ABTB2: variants seen among roughly 807,000 people sequenced by gnomAD.
ABTB2 encodes the protein ankyrin repeat and BTB domain containing 2, also known as ankyrin repeat and BTB/POZ domain-containing protein 2.
In ABTB2, 56 loss-of-function variants were observed where a neutral mutation model predicts 104.1. The observed-to-expected ratio is 0.54, with a 90% confidence interval of 0.43 to 0.67. The LOEUF (loss-of-function observed/expected upper bound fraction) is 0.67. Ranked by LOEUF, ABTB2 falls within the 30% of genes least tolerant of loss-of-function variation. The pLI is 0.00. For synonymous variants in ABTB2, 606 were observed against 608.2 expected (o/e 1.00, Z 0.05); for missense variants, 1,279 against 1,407.7 (o/e 0.91, Z 1.46).
chr11:34,171,245 G>A (rs562687343), intron 4 of ABTB2, among the ~76,000 whole-genome samples, 174 bp from the exon 5 acceptor site: 5 of 152,288 alleles, frequency 3.3e-5, no homozygotes, highest in African/African-American at 1.2e-4. Context: ...GTCATATGAA[G>A]AGCACACATT....
intron 11 of ABTB2, 118 bp downstream of exon 11, chr11:34,160,785 G>A: frequency 1.8e-6 from 2 of 1,122,604 alleles, no homozygotes; most frequent in African/African-American, 1.8e-5. Context: ...GTGAGTGTGT[G>A]TGCGTTGGGT....
At chr11:34,254,297 G>A (rs1021368812) in intron 1 of ABTB2, among the ~76,000 whole-genome samples, 5 of 151,854 alleles carry the variant, frequency 3.3e-5, no homozygotes, top group African/African-American at 7.3e-5. Flanking sequence ...ACTCAGGCTG[G>A]AGTGCAGTGG....
intron 3 of ABTB2, among the ~76,000 whole-genome samples, chr11:34,174,324 CAAAAAAAAAAAAA>C (rs545699866): frequency 4.9e-4 from 56 of 114,882 alleles, no homozygotes; most frequent in South Asian, 8.3e-4. Flanking sequence ...GACTCCGTCT[CAAAAAAAAAAAAA>C]AAAAAAAAAA....
At chr11:34,204,826 A>G in intron 1 of ABTB2, 136 bp from the exon 2 acceptor site, 1 of 1,011,294 alleles carries the variant, frequency 9.9e-7, no homozygotes, top group East Asian at 2.7e-5. Flanking sequence ...AATCTCTCTG[A>G]GCCTTGAGGA....
rs138991965 is a variant in ABTB2 at position 34,187,489 on chromosome 11, T to C, written c.1244+9836A>G. 4.4e-3 allele frequency among the ~76,000 whole-genome samples: 590 copies of C among 133,250 alleles called. 3 individuals carry two copies. Among genetic ancestry groups the C allele is most frequent in the African/African-American group, 0.015 (569 of 37,102 alleles). The allele number at this position is 133,250 out of a possible 152,430, so 87.4% of individuals were successfully genotyped here. ...TGATGTGGTCTTCTCGTCTACCTTA[T>C]CTTCTTTGCCTTTTTTTTTTTTTGG... On this transcript the variant is annotated intron_variant, in intron 3 of 16. Transcript: ENST00000435224.
intron 1 of ABTB2, among the ~76,000 whole-genome samples, chr11:34,256,340 T>C (rs1252348651): frequency 6.6e-6 from 1 of 152,080 alleles, no homozygotes; most frequent in Non-Finnish European, 1.5e-5. Context: ...TGCCCCCTAA[T>C]TCTGGGAAAG....
rs1268534715 is a variant in ABTB2, at chr11:34,332,374, T to C, written c.883+24327A>G. On this transcript the variant is annotated intron_variant, in intron 1 of 16. Transcript: ENST00000435224. ...CTACCTTAAGGAAAGGCTACGCTAGTAATCATTCAGACTAAGGTCAAATGG... is the reference window on the plus strand; with the variant it reads ...CTACCTTAAGGAAAGGCTACGCTAGCAATCATTCAGACTAAGGTCAAATGG... Among the ~76,000 whole-genome samples, 3 of 152,210 alleles carry C rather than the reference T, an allele frequency of 2.0e-5. No individual in the cohort carries two copies. In the East Asian group the frequency reaches 5.8e-4, roughly 29 times the overall value.
chr11:34,321,920 C>T (rs1340667419), intron 1 of ABTB2, among the ~76,000 whole-genome samples: 3 of 152,192 alleles, frequency 2.0e-5, no homozygotes, highest in Non-Finnish European at 4.4e-5. Context: ...GCCTTCAGGA[C>T]AGTCGGGACT....
At chr11:34,234,427 A>T (rs1166496677) in intron 1 of ABTB2, among the ~76,000 whole-genome samples, 1 of 152,190 alleles carries the variant, frequency 6.6e-6, no homozygotes, top group African/African-American at 2.4e-5. Flanking sequence ...TTTCCCCATC[A>T]GGGAGATTCC....
At chr11:34,201,350 A>G (rs1482126383) in intron 2 of ABTB2, among the ~76,000 whole-genome samples, 1 of 152,206 alleles carries the variant, frequency 6.6e-6, no homozygotes, top group Non-Finnish European at 1.5e-5. Context: ...GCCATCAAAT[A>G]AAAACAGCAG....
chr11:34,285,648 G>A (rs1054043743), intron 1 of ABTB2, among the ~76,000 whole-genome samples: 5 of 152,104 alleles, frequency 3.3e-5, no homozygotes, highest in Admixed American at 6.6e-5. Context: ...GCCGTCACAC[G>A]TGCACAAAAT....
intron 7 of ABTB2, 36 bp downstream of exon 7, chr11:34,167,223 G>A (rs1852812721): frequency 1.3e-6 from 2 of 1,556,182 alleles, no homozygotes; most frequent in Non-Finnish European, 1.8e-6. Context: ...CACCTGGTAA[G>A]CTGGGGGGCA....
intron 1 of ABTB2, among the ~76,000 whole-genome samples, chr11:34,228,649 A>G (rs1853719057): frequency 6.6e-6 from 1 of 152,162 alleles, no homozygotes. Context: ...AAATGCTGAG[A>G]TTACAGCATG....
In ABTB2 at chr11:34,238,109, T is replaced by C. The variant is rs532443708; in HGVS notation, c.884-33419A>G. 7.2e-5 allele frequency among the ~76,000 whole-genome samples: 11 copies of C among 152,366 alleles called. No homozygotes were observed. In the East Asian group the frequency reaches 1.5e-3, roughly 21 times the overall value. ...AATATTTAAATTAGCTTCAAAGCCC[T>C]ATATTATCTCCCATACTCCCAGCCT... On this transcript the variant is annotated intron_variant, in intron 1 of 16. Transcript: ENST00000435224.
intron 1 of ABTB2, among the ~76,000 whole-genome samples, chr11:34,295,344 A>G (rs1307761123): frequency 6.6e-6 from 1 of 152,156 alleles, no homozygotes; most frequent in Non-Finnish European, 1.5e-5. Flanking sequence ...AGGCAGGAGG[A>G]GGAACGAGTC....
rs980252758 is a variant in ABTB2 at position 34,356,532 on chromosome 11, G to A, written c.883+169C>T. On this transcript the variant is annotated intron_variant, in intron 1 of 16. Transcript: ENST00000435224. This position sits in a 1 kb window ranked among gnomAD's most constrained non-coding sequence, Gnocchi z 4.6. ...ACCCTCCAAAAGTCAGACACCCTTA[G>A]AACAATCTCTGGCAAGTGCCATGTA... 6.6e-6 allele frequency among the ~76,000 whole-genome samples: 1 copy of A among 152,192 alleles called. No individual in the cohort carries two copies. The highest frequency in any genetic ancestry group is 2.4e-5 in the African/African-American group (1 of 41,446).
At chr11:34,308,867 T>TTAAAAAAA (rs1564929332) in intron 1 of ABTB2, among the ~76,000 whole-genome samples, 1 of 23,798 alleles carries the variant, frequency 4.2e-5, no homozygotes, top group Non-Finnish European at 6.1e-5. Flanking sequence ...GGAAACTGTC[T>TTAAAAAAA]CAAAAAAAAA....
At chr11:34,206,393 A>G (rs111826861) in intron 1 of ABTB2, among the ~76,000 whole-genome samples, 3 of 152,146 alleles carry the variant, frequency 2.0e-5, no homozygotes, top group Non-Finnish European at 2.9e-5. Context: ...ACAAAACAAA[A>G]CAAAACAAAA....
chr11:34,216,355 C>T (rs1238344607), intron 1 of ABTB2, among the ~76,000 whole-genome samples: 1 of 152,186 alleles, frequency 6.6e-6, no homozygotes, highest in Non-Finnish European at 1.5e-5. Flanking sequence ...CTGGCAACCA[C>T]TGATCTTTTT....
Sources: allele counts gnomAD v4.1 joint callset (sites outside exome capture counted in the v4.1 genomes callset), GRCh38; gene constraint gnomAD v4.1.1; non-coding constraint Gnocchi (gnomAD v3.1); transcripts MANE v1.5; gene names NCBI Gene and HGNC (gene_info 2026-07-23, HGNC 2026-07-21).